The following SLC5A9 variants were observed in gnomAD, a reference collection of about 807,000 sequenced individuals.
The protein encoded by SLC5A9 is sodium/glucose cotransporter 4.
Under a neutral mutation model 70.9 loss-of-function variants are expected in SLC5A9, and 59 were observed. The ratio of observed to expected loss-of-function variants is 0.83; its 90% CI spans 0.68 to 1.03. SLC5A9 has a LOEUF of 1.03. SLC5A9 is among the 50% of genes least tolerant of loss of function. The pLI, the probability that SLC5A9 is intolerant of heterozygous loss-of-function variation, is 0.00. For synonymous variants in SLC5A9, 340 were observed against 346.5 expected (o/e 0.98, Z 0.21); for missense variants, 832 against 881.1 (o/e 0.94, Z 0.71).
chr1:48,225,646 C>A (rs1644133695), intron 2 of SLC5A9, among the ~76,000 whole-genome samples: 1 of 152,118 alleles, frequency 6.6e-6, no homozygotes, highest in African/African-American at 2.4e-5. Flanking sequence ...CACTCTCACA[C>A]ACTGACACAC....
intron 13 of SLC5A9, among the ~76,000 whole-genome samples, chr1:48,243,393 T>C (rs2148588636): frequency 6.6e-6 from 1 of 152,288 alleles, no homozygotes; most frequent in African/African-American, 2.4e-5. Context: ...TGGAGGTTCC[T>C]ACATGTGTTA....
rs147141681 is a variant in SLC5A9 at position 48,242,552 on chromosome 1, C to T, written c.1773C>T (p.Ala591=). Residue 591 remains alanine (A), a synonymous_variant, in exon 13 of 14, where the codon GCC becomes GCT. Coordinates refer to ENST00000438567, the MANE Select transcript of SLC5A9 (RefSeq NM_001011547.3). ...CACCGGAGATATCCGAGAGGCCAGCCGGGGAGTGCCCTGCAGGAGGTGGAG... is the reference window on the plus strand; with the variant it reads ...CACCGGAGATATCCGAGAGGCCAGCTGGGGAGTGCCCTGCAGGAGGTGGAG... ...ESTPEISERP[A]GECPAGGGAA... The T allele has an allele frequency of 1.5e-4, 234 of 1,613,596 alleles. No homozygotes were observed. The African/African-American group carries it at 2.0e-3, about 14-fold the overall frequency.
At chr1:48,242,314 C>A in intron 12 of SLC5A9, 143 bp from the exon 13 acceptor site, 1 of 902,924 alleles carries the variant, frequency 1.1e-6, no homozygotes, top group Non-Finnish European at 1.7e-6. Context: ...GGGCTGAGAT[C>A]CGGGCCTCCT....
At chr1:48,237,579 C>A in intron 10 of SLC5A9, 100 bp from the exon 11 acceptor site, 2 of 1,150,148 alleles carry the variant, frequency 1.7e-6, no homozygotes, top group Non-Finnish European at 2.5e-6. Flanking sequence ...ATTGTACATT[C>A]CCCTTCTTTC....
At chr1:48,247,085 A>G (rs1440231547) in intron 13 of SLC5A9, among the ~76,000 whole-genome samples, 1 of 152,214 alleles carries the variant, frequency 6.6e-6, no homozygotes, top group Non-Finnish European at 1.5e-5. Context: ...TGCTTCCACT[A>G]CATGACTGTT....
chr1:48,231,848 A>G, intron 6 of SLC5A9, 98 bp from the exon 7 acceptor site: 2 of 1,573,850 alleles, frequency 1.3e-6, no homozygotes, highest in South Asian at 2.4e-5. Context: ...TCCCCATGCC[A>G]GTTCCAACCT....
chr1:48,235,664 T>C, intron 9 of SLC5A9, 65 bp from the exon 10 acceptor site: 1 of 1,597,370 alleles, frequency 6.3e-7, no homozygotes. Context: ...TCCAGCAGCC[T>C]CTGTAGTCCT....
In SLC5A9 at chr1:48,231,732, G is replaced by A; in HGVS notation, c.691+107G>A. The A allele has an allele frequency of 5.2e-6, 8 of 1,532,574 alleles. 1 individual carries two copies. The highest frequency in any genetic ancestry group is 1.7e-4 in the Middle Eastern group (1 of 5,868). 94.9% of individuals were successfully genotyped at this position (1,532,574 alleles called of 1,614,324 possible). ...GAAACTTTCCAGTGCATAGAGCCAT[G>A]TGAGCCATGTCCCCTCTCCAGGCTG... On this transcript the variant is annotated intron_variant, in intron 6 of 13. Transcript: ENST00000438567.
At chr1:48,246,691 C>T (rs889638744) in intron 13 of SLC5A9, among the ~76,000 whole-genome samples, 4 of 152,178 alleles carry the variant, frequency 2.6e-5, no homozygotes, top group African/African-American at 9.7e-5. Flanking sequence ...CAGAACCTCT[C>T]CCACTGCTCC....
At chr1:48,225,016 A>C (rs1308764835) in intron 2 of SLC5A9, among the ~76,000 whole-genome samples, 1 of 150,078 alleles carries the variant, frequency 6.7e-6, no homozygotes, top group African/African-American at 2.5e-5. Flanking sequence ...GGCCCCTCCT[A>C]GGTGTGGCCC....
rs6694372 is a variant in SLC5A9, at chr1:48,235,895, C to T, written c.1292+16C>T. 0.15 allele frequency: 234,497 copies of T among 1,613,800 alleles called. 18,400 individuals carry two copies. Among genetic ancestry groups the T allele is most frequent in the South Asian group, 0.19 (17,076 of 91,076 alleles). On this transcript the variant is annotated intron_variant, in intron 10 of 13. Coordinates refer to ENST00000438567, the MANE Select transcript of SLC5A9 (RefSeq NM_001011547.3). ...TGGTGGGCAGGTGCGCCGGCCCCTC[C>T]TTCCCTCCTTCCGAAGTGCCCTCTC...
intron 7 of SLC5A9, 91 bp downstream of exon 7, chr1:48,232,242 A>C: frequency 6.4e-7 from 1 of 1,554,716 alleles, no homozygotes; most frequent in African/African-American, 1.4e-5. Flanking sequence ...AGAGGGTTGG[A>C]CCTCATTCTG....
At chr1:48,229,513 G>A (rs1644216711) in intron 4 of SLC5A9, 54 bp downstream of exon 4, 2 of 1,599,540 alleles carry the variant, frequency 1.3e-6, no homozygotes, top group South Asian at 1.1e-5. Context: ...TTAGGGAACT[G>A]CTGAGTGCAT....
At chr1:48,237,613 A>G in intron 10 of SLC5A9, 66 bp from the exon 11 acceptor site, 1 of 1,514,058 alleles carries the variant, frequency 6.6e-7, no homozygotes, top group Non-Finnish European at 9.0e-7. Context: ...CCTGTGCATC[A>G]CCTTCACCCC....
chr1:48,238,644 T>A (rs1333364131), intron 11 of SLC5A9: 1 of 152,350 alleles, frequency 6.6e-6, no homozygotes, highest in Non-Finnish European at 1.5e-5. Flanking sequence ...CCTAAGCAAG[T>A]GTCTACTGTC....
At chr1:48,237,433 T>TA (rs1644341463) in intron 10 of SLC5A9, among the ~76,000 whole-genome samples, 1 of 152,140 alleles carries the variant, frequency 6.6e-6, no homozygotes, top group South Asian at 2.1e-4. Flanking sequence ...TGAAGCCGTC[T>TA]AATATATAAG....
intron 2 of SLC5A9, among the ~76,000 whole-genome samples, chr1:48,226,462 G>A (rs898719330): frequency 6.6e-6 from 1 of 152,318 alleles, no homozygotes; most frequent in Admixed American, 6.5e-5. Context: ...GGGAAAGAGA[G>A]GATGTGCTCC....
intron 13 of SLC5A9, among the ~76,000 whole-genome samples, chr1:48,246,802 C>T (rs940811208): frequency 6.6e-6 from 1 of 152,184 alleles, no homozygotes; most frequent in African/African-American, 2.4e-5. Context: ...ACATTTGAGA[C>T]AGAAAGAACC....
At chr1:48,225,756 ACACT>A (rs1225031513) in intron 2 of SLC5A9, among the ~76,000 whole-genome samples, 1 of 152,002 alleles carries the variant, frequency 6.6e-6, no homozygotes, top group African/African-American at 2.4e-5. Context: ...TCCTATTCTC[ACACT>A]CACACCTTCT....
Sources: allele counts gnomAD v4.1 joint callset (sites outside exome capture counted in the v4.1 genomes callset), GRCh38; gene constraint gnomAD v4.1.1; transcripts MANE v1.5; gene names NCBI Gene and HGNC (gene_info 2026-07-23, HGNC 2026-07-21).